TNNI3K: variants seen among roughly 807,000 people sequenced by gnomAD.
TNNI3K encodes serine/threonine-protein kinase TNNI3K.
In TNNI3K, 140 loss-of-function variants were observed where a neutral mutation model predicts 114.5. The observed-to-expected ratio is 1.22, with a 90% CI of 1.07 to 1.41. The LOEUF is 1.41. TNNI3K is among the 40% of genes most tolerant of loss of function. TNNI3K has a pLI of 0.00. For synonymous variants in TNNI3K, 347 were observed against 347.5 expected (o/e 1.00, Z 0.02); for missense variants, 1,125 against 1,007.6 (o/e 1.12, Z -1.58).
At chr1:74,351,277 GA>G (rs1466361433) in intron 9 of TNNI3K, among the ~76,000 whole-genome samples, 254 of 151,392 alleles carry the variant, frequency 1.7e-3, no homozygotes, top group African/African-American at 6.0e-3. Flanking sequence ...TTTTCTTTAA[GA>G]ATGTTGAATA....
intron 23 of TNNI3K, among the ~76,000 whole-genome samples, chr1:74,517,663 T>C (rs1646368663): frequency 6.6e-6 from 1 of 152,190 alleles, no homozygotes; most frequent in Non-Finnish European, 1.5e-5. Flanking sequence ...ATTTCATTGA[T>C]GAGGAAGCTG....
chr1:74,435,056 T>TA (rs1274181395), intron 17 of TNNI3K, among the ~76,000 whole-genome samples: 9 of 151,948 alleles, frequency 5.9e-5, no homozygotes, highest in Non-Finnish European at 1.3e-4. Flanking sequence ...CCATATGCAC[T>TA]AAAAAAATCC....
At chr1:74,473,282 G>A (rs977243935) in intron 21 of TNNI3K, among the ~76,000 whole-genome samples, 34 of 151,796 alleles carry the variant, frequency 2.2e-4, no homozygotes, top group African/African-American at 7.0e-4. Flanking sequence ...ATGCTTTCCC[G>A]TAGTCACACA....
intron 21 of TNNI3K, among the ~76,000 whole-genome samples, chr1:74,476,729 T>C (rs532535527): frequency 6.6e-6 from 1 of 152,292 alleles, no homozygotes; most frequent in African/African-American, 2.4e-5. Context: ...CACATCTGCC[T>C]GAGGACAGTG....
chr1:74,489,228 G>T lies in TNNI3K; in HGVS notation c.2161G>T (p.Glu721Ter), dbSNP rs1035914333. The change falls in exon 22 of 25, where the codon GAG (glutamate) becomes TAG (stop). Residue 721 changes from glutamate to a stop codon, truncating the protein, a stop_gained. Transcript: ENST00000326637. LOFTEE classifies it high-confidence loss of function. Reference protein sequence around the residue: ...EFSEVVMKLEECLCNIELMSP... With the variant: ...EFSEVVMKLE ...TTCTGAAGTTGTCATGAAGTTAGAA[G>T]AGTGTCTCTGCAACATTGAGGTAAA... The T allele has an allele frequency of 6.2e-7, 1 of 1,612,298 alleles. No homozygotes were observed. The highest frequency in any genetic ancestry group is 1.1e-5 in the South Asian group (1 of 90,650).
chr1:74,429,218 G>A (rs1246814539), intron 17 of TNNI3K, among the ~76,000 whole-genome samples: 1 of 152,020 alleles, frequency 6.6e-6, no homozygotes, highest in Admixed American at 6.6e-5. Flanking sequence ...ATCAACAATT[G>A]TTACCTAGCT....
chr1:74,436,394 G>T lies in TNNI3K; in HGVS notation c.1826-80G>T, dbSNP rs1570617320. 6.9e-6 allele frequency: 10 copies of T among 1,458,796 alleles called. No homozygotes were observed. In the South Asian group the frequency reaches 7.1e-5, roughly 10 times the overall value. The allele number at this position is 1,458,796 out of a possible 1,614,324, so 90.4% of individuals were successfully genotyped here. A position where few individuals can be genotyped will look rare whatever the true frequency, so the allele number is the denominator to read the frequency against. On this transcript the variant is annotated intron_variant, in intron 18 of 24. Coordinates refer to ENST00000326637, the MANE Select transcript of TNNI3K (RefSeq NM_015978.3). ...TTGAATAAGACAGAAGTCTCTTGAG[G>T]TTTCAAAATTTTAACTGTGATCTTT...
At chr1:74,277,414 T>C (rs1333585383) in intron 5 of TNNI3K, among the ~76,000 whole-genome samples, 1 of 152,030 alleles carries the variant, frequency 6.6e-6, no homozygotes, top group East Asian at 1.9e-4. Flanking sequence ...ACAAAAAAAG[T>C]ATTTGGAAAG....
intron 23 of TNNI3K, among the ~76,000 whole-genome samples, chr1:74,533,811 G>A (rs928344247): frequency 1.3e-5 from 2 of 152,064 alleles, no homozygotes; most frequent in Non-Finnish European, 2.9e-5. Flanking sequence ...CTATCACAAG[G>A]ACAAAAAACC....
At chr1:74,421,921 TAGGG>T (rs1234327886) in intron 17 of TNNI3K, among the ~76,000 whole-genome samples, 1 of 151,294 alleles carries the variant, frequency 6.6e-6, no homozygotes, top group Non-Finnish European at 1.5e-5. Flanking sequence ...ACATGCAACT[TAGGG>T]AGGAAAGAAG....
intron 5 of TNNI3K, among the ~76,000 whole-genome samples, chr1:74,282,381 C>A (rs1031799640): frequency 3.9e-5 from 6 of 152,072 alleles, no homozygotes; most frequent in African/African-American, 1.4e-4. Context: ...TTGATTTCCT[C>A]TGAGGCCTCT....
intron 17 of TNNI3K, among the ~76,000 whole-genome samples, chr1:74,382,999 G>T (rs779124580): frequency 2.0e-5 from 3 of 152,072 alleles, no homozygotes; most frequent in Non-Finnish European, 4.4e-5. Context: ...GCCTCTGGCA[G>T]ACCTCCTGAA....
intron 23 of TNNI3K, among the ~76,000 whole-genome samples, chr1:74,496,155 T>A (rs1281526026): frequency 6.6e-6 from 1 of 152,104 alleles, no homozygotes; most frequent in East Asian, 1.9e-4. Context: ...CCAATATACA[T>A]CCAAGTATAA....
At chr1:74,505,440 T>C (rs1557613485) in intron 23 of TNNI3K, among the ~76,000 whole-genome samples, 1 of 152,236 alleles carries the variant, frequency 6.6e-6, no homozygotes, top group Non-Finnish European at 1.5e-5. Context: ...AAGTGGGTGA[T>C]GCTGGTGTCT....
intron 23 of TNNI3K, among the ~76,000 whole-genome samples, chr1:74,533,284 T>G (rs2100446776): frequency 6.6e-6 from 1 of 152,228 alleles, no homozygotes; most frequent in Middle Eastern, 3.4e-3. Flanking sequence ...AAGAAGACAT[T>G]TATGCAGCCA....
intron 5 of TNNI3K, among the ~76,000 whole-genome samples, chr1:74,297,522 C>CGTGTGTGTGTGTGTGTGT (rs10633137): frequency 1.2e-3 from 181 of 145,454 alleles, no homozygotes; most frequent in African/African-American, 3.5e-3. Flanking sequence ...TGTGTGTGTG[C>CGTGTGTGTGTGTGTGTGT]GTGTGTGTGT....
In TNNI3K at chr1:74,353,304, T is replaced by G; in HGVS notation, c.971T>G (p.Phe324Cys). ...GGCAAGAGCATTGACCTAGTCAAAT[T>G]TCTTCTTGATCAGAATGTCATAAAC... ...TYGKSIDLVK[F>C]LLDQNVININ... Residue 324 changes from phenylalanine to cysteine, a missense_variant, in exon 10 of 25, where the codon TTT (phenylalanine) becomes TGT (cysteine). Physicochemically the swap from Phe to Cys is radical, Grantham distance 205 (BLOSUM62 -2). Transcript: ENST00000326637. 1 of 1,614,008 alleles carries G rather than the reference T, an allele frequency of 6.2e-7. No individual in the cohort carries two copies. The highest frequency in any genetic ancestry group is 8.5e-7 in the Non-Finnish European group (1 of 1,179,978).
intron 17 of TNNI3K, among the ~76,000 whole-genome samples, chr1:74,429,665 C>A (rs1371433525): frequency 6.6e-6 from 1 of 152,146 alleles, no homozygotes; most frequent in African/African-American, 2.4e-5. Context: ...TGGCAGCCAG[C>A]AGATCGGAAG....
At chr1:74,399,300 C>T (rs1340771528) in intron 17 of TNNI3K, among the ~76,000 whole-genome samples, 2 of 151,980 alleles carry the variant, frequency 1.3e-5, no homozygotes, top group African/African-American at 2.4e-5. Context: ...TGTGAACTCC[C>T]GTATTTAGGT....
Sources: gnomAD v4.1 joint callset for allele counts (sites outside exome capture counted in the v4.1 genomes callset) on GRCh38, gnomAD v4.1.1 for gene constraint, MANE v1.5 for transcripts, NCBI Gene and HGNC (gene_info 2026-07-23, HGNC 2026-07-21) for gene names.